Variants in NXF3 observed in about 807,000 individuals in gnomAD.
NXF3 encodes TAP-like protein 3.
Under a neutral mutation model 48.4 loss-of-function variants are expected in NXF3, and 34 were observed. That is an observed-to-expected ratio of 0.70 (90% CI 0.53 to 0.93). The LOEUF is 0.93. Among genes scored for constraint, NXF3 ranks in the 40% least tolerant of loss-of-function variants. The pLI is 0.00. For missense variants in NXF3, 359 were observed against 406.1 expected (o/e 0.88, Z 1.00); for synonymous variants, 132 against 145.7 (o/e 0.91, Z 0.68).
intron 8 of NXF3, 117 bp downstream of exon 8, chrX:103,082,643 G>A (rs1407632061): frequency 3.3e-6 from 2 of 608,965 alleles, no homozygotes; most frequent in Non-Finnish European, 5.3e-6. Context: ...CTATGGGGAG[G>A]AATGAATTAA....
intron 8 of NXF3, among the ~76,000 whole-genome samples, 174 bp from the exon 9 acceptor site, chrX:103,082,538 T>A (rs1922042750): frequency 8.9e-6 from 1 of 112,076 alleles, no homozygotes; most frequent in African/African-American, 3.2e-5. Context: ...CCTCATTTTA[T>A]TTTTCAAGAA....
At chrX:103,080,712 T>G in intron 9 of NXF3, 100 bp from the exon 10 acceptor site, 5 of 818,071 alleles carry the variant, frequency 6.1e-6, no homozygotes, top group Non-Finnish European at 9.2e-6. Flanking sequence ...CAGTGCAGTG[T>G]GTCCACCTAC....
At position 103,077,722 on chromosome X, in the gene NXF3, G is replaced by A; in HGVS notation, c.1476C>T (p.Leu492=). ...CTTGGTGGCTGGTATCCCGCACAAAGAGCTTGTCATTCACGATGCACAGAC... is the reference window on the plus strand; with the variant it reads ...CTTGGTGGCTGGTATCCCGCACAAAAAGCTTGTCATTCACGATGCACAGAC... ...SSSLCIVNDK[L]FVRDTSHQGT... is the part of the protein sequence containing the mutation. Residue 492 remains leucine (L), a synonymous_variant, in exon 18 of 20, where the codon CTC becomes CTT. Transcript: ENST00000395065. 8.3e-7 allele frequency: 1 copy of A among 1,211,362 alleles called. No homozygotes were observed. Among genetic ancestry groups the A allele is most frequent in the Non-Finnish European group, 1.1e-6 (1 of 895,242 alleles).
At chrX:103,081,943 C>T (rs1483471041) in intron 9 of NXF3, among the ~76,000 whole-genome samples, 2 of 111,746 alleles carry the variant, frequency 1.8e-5, no homozygotes, top group African/African-American at 6.5e-5. Flanking sequence ...GGCACCAGCA[C>T]CTGAATACTG....
At chrX:103,087,619 C>T in intron 1 of NXF3, 4 of 977,769 alleles carry the variant, frequency 4.1e-6, no homozygotes, top group Non-Finnish European at 5.8e-6. Context: ...GGGCATTACA[C>T]CCGTGCTCTA....
chrX:103,077,561 C>A, intron 18 of NXF3, 53 bp downstream of exon 18: 1 of 1,199,263 alleles, frequency 8.3e-7, no homozygotes. Flanking sequence ...CCAGCACTCA[C>A]TTCTGAGGCA....
chrX:103,079,479 AGAG>A lies in NXF3; in HGVS notation c.1220-8_1220-6del. The A allele has an allele frequency of 1.7e-6, 2 of 1,202,669 alleles. No individual in the cohort carries two copies. The highest frequency in any genetic ancestry group is 2.3e-6 in the Non-Finnish European group (2 of 887,252). On this transcript the variant is annotated splice_region_variant and splice_polypyrimidine_tract_variant and intron_variant, in intron 14 of 19. Transcript: ENST00000395065. ...TCAGCAGCTCCCCCCGAAGGTCTGT[AGAG>A]GAGAAGAGAAGCAAGGATTTGGGGG... is the stretch of plus-strand genomic sequence containing the variant.
At chrX:103,088,197 A>T in intron 1 of NXF3, 3 of 935,639 alleles carry the variant, frequency 3.2e-6, no homozygotes, top group South Asian at 2.1e-5. Flanking sequence ...AACCATTGTT[A>T]AAAAAAATAT....
At chrX:103,085,443 A>G (rs1008890133) in intron 1 of NXF3, among the ~76,000 whole-genome samples, 1 of 111,622 alleles carries the variant, frequency 9.0e-6, no homozygotes, top group Non-Finnish European at 1.9e-5. Flanking sequence ...AATAAAATCT[A>G]CCCTAAAAGT....
At chrX:103,080,105 C>A (rs1011887236) in intron 11 of NXF3, 37 bp from the exon 12 acceptor site, 5 of 1,205,884 alleles carry the variant, frequency 4.1e-6, no homozygotes, top group Non-Finnish European at 5.6e-6. Flanking sequence ...AGATGGTACC[C>A]CCCCTTCCTC....
intron 1 of NXF3, among the ~76,000 whole-genome samples, chrX:103,091,094 T>C (rs1287441427): frequency 8.9e-6 from 1 of 112,426 alleles, no homozygotes; most frequent in Non-Finnish European, 1.9e-5. Context: ...TGTAATTTTA[T>C]TTGAAGGAAA....
intron 1 of NXF3, chrX:103,088,732 A>T: frequency 9.4e-7 from 1 of 1,064,927 alleles, no homozygotes; most frequent in Non-Finnish European, 1.3e-6. Context: ...ATTTGTAGGA[A>T]ATCTTTTAGA....
chrX:103,086,982 A>T lies in NXF3; in HGVS notation c.29-2099T>A, dbSNP rs6616444. Among the ~76,000 whole-genome samples, 946 of 112,387 alleles carry T rather than the reference A, an allele frequency of 8.4e-3. 8 individuals are homozygous for T. Among genetic ancestry groups the T allele is most frequent in the East Asian group, 0.04 (141 of 3,568 alleles). The stretch of plus-strand genomic sequence containing the variant: ...GCTCCAGGTGTGTGAGGTAGACTTC[A>T]GAAACCCGATTGAGAAGTGGAGAGA... On this transcript the variant is annotated intron_variant, in intron 1 of 19. Transcript: ENST00000395065.
rs764407524 is a variant in NXF3 at position 103,083,391 on chromosome X, C to T, written c.540+7G>A. 8.4e-7 allele frequency: 1 copy of T among 1,197,269 alleles called. No homozygotes were observed. Among genetic ancestry groups the T allele is most frequent in the East Asian group, 3.0e-5 (1 of 33,806 alleles). ...ATGCTAGCCCTGGTCATTCATTTGA[C>T]ACACACCTTTTCATTATCCTCATCC... On this transcript the variant is annotated splice_region_variant and intron_variant, in intron 5 of 19. Transcript: ENST00000395065.
At chrX:103,087,330 C>G (rs975296340) in intron 1 of NXF3, 91 of 1,202,188 alleles carry the variant, frequency 7.6e-5, no homozygotes, top group Non-Finnish European at 9.9e-5. Flanking sequence ...TAGCTAGGCA[C>G]TATCTCATTC....
Position 103,079,745 on chromosome X carries a change from C to T in NXF3, c.1160+18G>A, listed in dbSNP as rs756728687. On this transcript the variant is annotated intron_variant, in intron 13 of 19. Coordinates refer to ENST00000395065, the MANE Select transcript of NXF3 (RefSeq NM_022052.2). ...GAGTCACATGGCCCTGGACCAGGGT[C>T]GGAGCTGTGATACTCACGGGGCTGA... 1.3e-5 allele frequency: 16 copies of T among 1,200,166 alleles called. No homozygotes were observed. In the East Asian group the frequency reaches 3.6e-4, roughly 27 times the overall value.
intron 1 of NXF3, chrX:103,088,005 T>A: frequency 5.3e-6 from 5 of 940,260 alleles, no homozygotes; most frequent in African/African-American, 3.8e-5. Context: ...GTTTTGAAAA[T>A]GGTGATATTG....
At chrX:103,077,182 C>G (rs1344015357) in intron 18 of NXF3, among the ~76,000 whole-genome samples, 5 of 109,786 alleles carry the variant, frequency 4.6e-5, no homozygotes, top group Admixed American at 3.9e-4. Context: ...CCATTATTCA[C>G]TCCCCTGCTC....
At chrX:103,092,339 C>A (rs1922298703) in intron 1 of NXF3, among the ~76,000 whole-genome samples, 2 of 93,153 alleles carry the variant, frequency 2.1e-5, no homozygotes, top group African/African-American at 4.2e-5. Context: ...TTTCAGAATA[C>A]TTTAAAAATA....
Sources: gnomAD v4.1 joint callset for allele counts (sites outside exome capture counted in the v4.1 genomes callset) on GRCh38, gnomAD v4.1.1 for gene constraint, MANE v1.5 for transcripts, NCBI Gene and HGNC (gene_info 2026-07-23, HGNC 2026-07-21) for gene names.